Variants in BBS9 observed in about 807,000 individuals in gnomAD.
BBS9 encodes Bardet-Biedl syndrome 9, also known as protein PTHB1.
Under a neutral mutation model 117.7 loss-of-function variants are expected in BBS9, and 89 were observed. The ratio of observed to expected loss-of-function variants is 0.76; its 90% CI spans 0.64 to 0.90. BBS9 has a LOEUF of 0.90. Among genes scored for constraint, BBS9 ranks in the 40% least tolerant of loss-of-function variants. The pLI is 0.00. For synonymous variants in BBS9, 379 were observed against 370.9 expected (o/e 1.02, Z -0.25); for missense variants, 982 against 1,042.2 (o/e 0.94, Z 0.80).
At chr7:33,354,829 T>C (rs1234013121) in intron 15 of BBS9, among the ~76,000 whole-genome samples, 1 of 152,020 alleles carries the variant, frequency 6.6e-6, no homozygotes, top group Non-Finnish European at 1.5e-5. Flanking sequence ...TTAAATAATT[T>C]TGTGATTAAT....
At chr7:33,553,008 C>T (rs1404599276) in intron 21 of BBS9, among the ~76,000 whole-genome samples, 1 of 152,106 alleles carries the variant, frequency 6.6e-6, no homozygotes, top group African/African-American at 2.4e-5. Context: ...GTTTTCCTGC[C>T]TCTGGTTTTG....
At chr7:33,146,717 A>AG (rs59616985) in intron 2 of BBS9, among the ~76,000 whole-genome samples, 12,755 of 147,910 alleles carry the variant, frequency 0.086, 708 homozygotes, top group East Asian at 0.15. Context: ...AAAAAAAAAA[A>AG]AGAGATAAAA....
intron 19 of BBS9, among the ~76,000 whole-genome samples, chr7:33,431,654 A>G (rs1218365070): frequency 6.6e-6 from 1 of 152,188 alleles, no homozygotes; most frequent in East Asian, 1.9e-4. Flanking sequence ...AATTGTTAGC[A>G]CTTTGATCTT....
intron 5 of BBS9, among the ~76,000 whole-genome samples, chr7:33,204,169 CA>C (rs72400230): frequency 1 from 150,760 of 150,770 alleles, 75,375 homozygotes; most frequent in Middle Eastern, 1. Context: ...TTTGGGAGGC[CA>C]AAGGCAGGTG....
At chr7:33,137,102 G>T (rs976098610) in intron 1 of BBS9, among the ~76,000 whole-genome samples, 1 of 152,110 alleles carries the variant, frequency 6.6e-6, no homozygotes, top group African/African-American at 2.4e-5. Context: ...CTCCTCCTGG[G>T]TGTCCTTCCT....
intron 9 of BBS9, among the ~76,000 whole-genome samples, chr7:33,287,552 G>C (rs1803133800): frequency 1.3e-5 from 2 of 152,146 alleles, no homozygotes; most frequent in Non-Finnish European, 2.9e-5. Flanking sequence ...TAGGTTATCT[G>C]ATCAACAGAA....
intron 9 of BBS9, among the ~76,000 whole-genome samples, chr7:33,301,668 G>C (rs188709348): frequency 1.3e-5 from 2 of 151,858 alleles, no homozygotes; most frequent in Admixed American, 1.3e-4. Flanking sequence ...TTCTTTATCC[G>C]TTTTTCTGTT....
chr7:33,578,273 G>C (rs978896958), intron 21 of BBS9, among the ~76,000 whole-genome samples: 5 of 152,300 alleles, frequency 3.3e-5, no homozygotes, highest in African/African-American at 9.6e-5. Flanking sequence ...ATTTGCCCCA[G>C]GTTGCAGTAC....
chr7:33,542,334 CG>C (rs1486546809), intron 21 of BBS9, among the ~76,000 whole-genome samples: 1 of 152,132 alleles, frequency 6.6e-6, no homozygotes, highest in Admixed American at 6.5e-5. Context: ...CCACCCACCT[CG>C]GCCTCCCAAA....
chr7:33,221,577 C>T (rs1024533137), intron 5 of BBS9, among the ~76,000 whole-genome samples: 1 of 152,116 alleles, frequency 6.6e-6, no homozygotes, highest in African/African-American at 2.4e-5. Flanking sequence ...TTTTAAGTTA[C>T]TCATTTTGTT....
chr7:33,631,954 T>C (rs1489685989), intron 21 of BBS9, among the ~76,000 whole-genome samples: 1 of 152,058 alleles, frequency 6.6e-6, no homozygotes, highest in East Asian at 1.9e-4. Context: ...AGCTAATTAG[T>C]GCGTAGAATG....
intron 20 of BBS9, among the ~76,000 whole-genome samples, chr7:33,519,963 T>C (rs1342079658): frequency 1.3e-5 from 2 of 152,140 alleles, no homozygotes; most frequent in African/African-American, 4.8e-5. Flanking sequence ...AGAGAATTAA[T>C]TGAAATAATA....
chr7:33,558,716 A>C (rs1563358604), intron 21 of BBS9, among the ~76,000 whole-genome samples: 1 of 152,190 alleles, frequency 6.6e-6, no homozygotes, highest in Non-Finnish European at 1.5e-5. Context: ...TTGTGAGCAG[A>C]AGCCCGCAGC....
At chr7:33,205,787 C>A (rs148137929) in intron 5 of BBS9, among the ~76,000 whole-genome samples, 2 of 152,066 alleles carry the variant, frequency 1.3e-5, no homozygotes, top group African/African-American at 4.8e-5. Flanking sequence ...CTTCACATAC[C>A]CAATTTCATG....
chr7:33,201,864 G>T (rs575194832), intron 5 of BBS9, among the ~76,000 whole-genome samples: 2 of 152,308 alleles, frequency 1.3e-5, no homozygotes, highest in Admixed American at 6.5e-5. Flanking sequence ...AAAAGAATAT[G>T]TGATTGGCTT....
chr7:33,583,721 G>A (rs1371459185), intron 21 of BBS9, among the ~76,000 whole-genome samples: 1 of 152,072 alleles, frequency 6.6e-6, no homozygotes, highest in East Asian at 1.9e-4. Flanking sequence ...GACCTGGAGA[G>A]GCCAAATGCT....
intron 19 of BBS9, among the ~76,000 whole-genome samples, chr7:33,403,348 G>T (rs1295845301): frequency 6.7e-6 from 1 of 149,474 alleles, no homozygotes; most frequent in Non-Finnish European, 1.5e-5. Flanking sequence ...AAGTTTTAGG[G>T]TACATGTGCA....
chr7:33,486,805 A>T (rs566975798), intron 19 of BBS9, among the ~76,000 whole-genome samples: 1 of 152,334 alleles, frequency 6.6e-6, no homozygotes, highest in East Asian at 1.9e-4. Context: ...GTAGCCATTC[A>T]GGTGAAAAGG....
chr7:33,570,449 C>T (rs1857594373), intron 21 of BBS9, among the ~76,000 whole-genome samples: 1 of 152,116 alleles, frequency 6.6e-6, no homozygotes, highest in Non-Finnish European at 1.5e-5. Context: ...GGGGAAAGGA[C>T]AGCTATTCCT....
Sources: gnomAD v4.1 joint callset for allele counts (sites outside exome capture counted in the v4.1 genomes callset) on GRCh38, gnomAD v4.1.1 for gene constraint, MANE v1.5 for transcripts, NCBI Gene and HGNC (gene_info 2026-07-23, HGNC 2026-07-21) for gene names.